The following COL4A2 variants were observed in gnomAD, a reference collection of about 807,000 sequenced individuals.
COL4A2 encodes collagen alpha-2(IV) chain.
Under a neutral mutation model 200.2 loss-of-function variants are expected in COL4A2, and 99 were observed. That is an observed-to-expected ratio of 0.49 (90% confidence interval 0.42 to 0.58). COL4A2 has a LOEUF of 0.58. Ranked by LOEUF, COL4A2 falls within the 20% of genes least tolerant of loss-of-function variation. COL4A2 has a pLI of 0.00. For synonymous variants in COL4A2, 897 were observed against 900.6 expected (o/e 1.00, Z 0.07); for missense variants, 1,950 against 2,314.1 (o/e 0.84, Z 3.23).
In COL4A2 at chr13:110,458,907, C is replaced by T. The variant is rs776742978; in HGVS notation, c.1569C>T (p.His523=). Residue 523 remains histidine, a synonymous_variant, in exon 22 of 48, where the codon CAC becomes CAT. Transcript: ENST00000360467. ...RKGDRGDPGQ[H]GLPGFPGLKG... ...GGGACAGAGGAGACCCCGGCCAACACGGCCTCCCTGGGTTCCCAGGGCTCA... is the reference window on the plus strand; with the variant it reads ...GGGACAGAGGAGACCCCGGCCAACATGGCCTCCCTGGGTTCCCAGGGCTCA... The T allele has an allele frequency of 4.4e-5, 70 of 1,590,086 alleles. No individual in the cohort carries two copies. The highest frequency in any genetic ancestry group is 5.0e-5 in the Non-Finnish European group (59 of 1,168,608).
intron 39 of COL4A2, among the ~76,000 whole-genome samples, chr13:110,494,550 T>C (rs1310309443): frequency 6.7e-6 from 1 of 150,122 alleles, no homozygotes; most frequent in Non-Finnish European, 1.5e-5. Flanking sequence ...AAATTATTTA[T>C]GTTCAGTGGA....
At chr13:110,378,950 G>A (rs572534001) in intron 4 of COL4A2, among the ~76,000 whole-genome samples, 2 of 152,280 alleles carry the variant, frequency 1.3e-5, no homozygotes, top group South Asian at 2.1e-4. Flanking sequence ...CCCACCTCAC[G>A]CACTCTCCGG....
At chr13:110,330,322 T>C (rs1012981350) in intron 3 of COL4A2, among the ~76,000 whole-genome samples, 1 of 152,104 alleles carries the variant, frequency 6.6e-6, no homozygotes, top group Non-Finnish European at 1.5e-5. Flanking sequence ...GGAAAGATAC[T>C]GCTGTAACAC....
chr13:110,491,014 G>GTACAT (rs1185950610), intron 36 of COL4A2, among the ~76,000 whole-genome samples: 2 of 152,106 alleles, frequency 1.3e-5, no homozygotes, highest in Non-Finnish European at 2.9e-5. Context: ...AGACAGTGAG[G>GTACAT]GGTGCATGGG....
At chr13:110,355,303 G>A (rs1877148677) in intron 3 of COL4A2, among the ~76,000 whole-genome samples, 1 of 149,630 alleles carries the variant, frequency 6.7e-6, no homozygotes. Flanking sequence ...GGGGAGGGCT[G>A]CAGTAGCTCA....
chr13:110,436,249 T>C lies in COL4A2; in HGVS notation c.727-20T>C, dbSNP rs1234035289. 5 of 1,613,546 alleles carry C rather than the reference T, an allele frequency of 3.1e-6. No homozygotes were observed. In the African/African-American group the frequency reaches 5.3e-5, roughly 17 times the overall value. On this transcript the variant is annotated intron_variant, in intron 12 of 47. Coordinates refer to ENST00000360467, the MANE Select transcript of COL4A2 (RefSeq NM_001846.4). Reference sequence around the variant, plus strand: ...TTCCTTTCGATTTAAAGACAACTGCTTTTGCTTAACAATATGCAGGGTGAC... The same window carrying C: ...TTCCTTTCGATTTAAAGACAACTGCCTTTGCTTAACAATATGCAGGGTGAC...
At position 110,508,618 on chromosome 13, in the gene COL4A2, G is replaced by A. The variant is rs1407673407; in HGVS notation, c.4881+397G>A. Among the ~76,000 whole-genome samples, 1 of 152,208 alleles carries A rather than the reference G, an allele frequency of 6.6e-6. No homozygotes were observed. The highest frequency in any genetic ancestry group is 6.5e-5 in the Admixed American group (1 of 15,286). ...TTATTTAGAATCTATCTGGAACCTA[G>A]AATACCCTGAAGAAATACCTATTAA... On this transcript the variant is annotated intron_variant, in intron 47 of 47. Coordinates refer to ENST00000360467, the MANE Select transcript of COL4A2 (RefSeq NM_001846.4). This position sits in a 1 kb window ranked among gnomAD's most constrained non-coding sequence, Gnocchi z 6.1.
At position 110,446,880 on chromosome 13, in the gene COL4A2, C is replaced by T; in HGVS notation, c.1078+16C>T. The T allele has an allele frequency of 1.2e-6, 2 of 1,607,960 alleles. No individual in the cohort carries two copies. The highest frequency in any genetic ancestry group is 1.7e-6 in the Non-Finnish European group (2 of 1,174,824). On this transcript the variant is annotated intron_variant, in intron 18 of 47. Transcript: ENST00000360467. ...CTAGCAAAAGGTGTGTGAACAATTT[C>T]ACCTGCATAGTTCAGCATCGCATAC... is the stretch of plus-strand genomic sequence containing the variant.
intron 4 of COL4A2, among the ~76,000 whole-genome samples, chr13:110,370,109 G>C (rs944727626): frequency 2.0e-5 from 3 of 151,688 alleles, no homozygotes; most frequent in African/African-American, 7.3e-5. Context: ...GTATTTGGAA[G>C]CTGTACTTCT....
At position 110,466,045 on chromosome 13, in the gene COL4A2, A is replaced by T. The variant is rs371914914; in HGVS notation, c.2021A>T (p.Gln674Leu). The T allele has an allele frequency of 1.7e-4, 277 of 1,613,852 alleles. 6 individuals are homozygous for T. The South Asian group carries it at 2.9e-3, about 17-fold the overall frequency. Residue 674 changes from glutamine to leucine, a missense_variant, in exon 26 of 48, where the codon CAG becomes CTG. Physicochemically the swap from Gln to Leu is moderately radical, Grantham distance 113. Transcript: ENST00000360467. ...DVKRAVGGDR[Q>L]EAIQPGCIGG... ...AAAAGGGCCGTTGGAGGTGACAGACAGGAGGCCATCCAGCCAGGTACTCTG... is the reference window on the plus strand; with the variant it reads ...AAAAGGGCCGTTGGAGGTGACAGACTGGAGGCCATCCAGCCAGGTACTCTG...
intron 31 of COL4A2, among the ~76,000 whole-genome samples, chr13:110,481,462 G>C (rs79412531): frequency 0.85 from 1,142 of 1,348 alleles, 555 homozygotes; most frequent in Admixed American, 0.96. Flanking sequence ...ACACACTGCT[G>C]TGTCCCTCCG....
intron 3 of COL4A2, among the ~76,000 whole-genome samples, chr13:110,320,009 G>A (rs908238015): frequency 6.6e-6 from 1 of 152,228 alleles, no homozygotes; most frequent in African/African-American, 2.4e-5. Flanking sequence ...TTTTGTGGTG[G>A]TTACCCACAT....
intron 5 of COL4A2, 40 bp from the exon 6 acceptor site, chr13:110,424,913 G>A: frequency 6.2e-7 from 1 of 1,614,226 alleles, no homozygotes. Context: ...AGGGTGGCGG[G>A]TATCTCAGCC....
intron 16 of COL4A2, among the ~76,000 whole-genome samples, chr13:110,443,558 A>G (rs922793478): frequency 4.6e-5 from 7 of 152,248 alleles, no homozygotes; most frequent in Non-Finnish European, 8.8e-5. Flanking sequence ...ACCTCACTGA[A>G]TTCAAATGAG....
chr13:110,502,198 A>G (rs1883667779), intron 41 of COL4A2, among the ~76,000 whole-genome samples: 1 of 152,266 alleles, frequency 6.6e-6, no homozygotes, highest in South Asian at 2.1e-4. Context: ...CAAGGTTCAC[A>G]GCAGCACTAC....
At chr13:110,390,738 G>T (rs957736111) in intron 4 of COL4A2, among the ~76,000 whole-genome samples, 3 of 151,992 alleles carry the variant, frequency 2.0e-5, no homozygotes, top group Non-Finnish European at 2.9e-5. Context: ...ATCCTATATG[G>T]CAGGGCTGTG....
intron 21 of COL4A2, 82 bp from the exon 22 acceptor site, chr13:110,458,689 T>C: frequency 6.4e-7 from 1 of 1,564,052 alleles, no homozygotes; most frequent in Non-Finnish European, 8.7e-7. Flanking sequence ...GCCACCCAGC[T>C]CTCCCCGCTG....
chr13:110,480,273 G>A lies in COL4A2; in HGVS notation c.2641G>A (p.Gly881Ser). ...GGACACAGGCGCTCCTGGCCCTGTG[G>A]GCATGAAAGGTCTCTCTGGTGACAG... ...PGDTGAPGPV[G>S]MKGLSGDRGD... The change falls in exon 31 of 48, where the codon GGC becomes AGC. Residue 881 changes from glycine to serine, a missense_variant. Gly to Ser is a moderately conservative substitution (Grantham distance 56). Around this residue, in one of 2 missense-constraint regions of COL4A2, gnomAD observed 1,385 missense variants for 1,720.5 expected, o/e 0.80. Transcript: ENST00000360467. 6.2e-7 allele frequency: 1 copy of A among 1,613,804 alleles called. No individual in the cohort carries two copies. Among genetic ancestry groups the A allele is most frequent in the Middle Eastern group, 1.7e-4 (1 of 6,034 alleles).
intron 4 of COL4A2, among the ~76,000 whole-genome samples, chr13:110,384,076 G>T (rs1044608597): frequency 1.3e-5 from 2 of 152,206 alleles, no homozygotes; most frequent in African/African-American, 4.8e-5. Flanking sequence ...CCTGTTCACT[G>T]CCGCATACAG....
Sources: gnomAD v4.1 joint callset for allele counts (sites outside exome capture counted in the v4.1 genomes callset) on GRCh38, gnomAD v4.1.1 for gene constraint, gnomAD v4.1.1 regional missense constraint, Gnocchi (gnomAD v3.1) non-coding constraint, MANE v1.5 for transcripts, NCBI Gene and HGNC (gene_info 2026-07-23, HGNC 2026-07-21) for gene names.